Variants in KCP observed in about 807,000 individuals in gnomAD.
KCP encodes kielin/chordin-like protein.
KCP carries 194 observed loss-of-function variants against 212.7 expected under a neutral mutation model. That is an observed-to-expected ratio of 0.91 (90% CI 0.81 to 1.03). KCP has a LOEUF of 1.03. KCP is among the 50% of genes least tolerant of loss of function. KCP has a pLI of 0.00. For synonymous variants in KCP, 833 were observed against 865.3 expected (o/e 0.96, Z 0.65); for missense variants, 2,080 against 2,162.5 (o/e 0.96, Z 0.76).
In KCP at chr7:128,878,666, G is replaced by T; in HGVS notation, c.4203C>A (p.Gly1401=). 1 of 1,551,202 alleles carries T rather than the reference G, an allele frequency of 6.4e-7. No homozygotes were observed. The highest frequency in any genetic ancestry group is 8.7e-7 in the Non-Finnish European group (1 of 1,146,968). The change falls in exon 38 of 40, where the codon GGC becomes GGA. Residue 1401 remains glycine, a synonymous_variant. Coordinates refer to ENST00000610776, the MANE Select transcript of KCP (RefSeq NM_001366122.1). ...AGTTCCCACAGAGCCCACAAGTCCG[G>T]CCCTGGTAGGAGCCAGGTACGCTCA... is the stretch of plus-strand genomic sequence containing the variant. The part of the protein sequence containing the change: ...VEVSVPGSYQ[G]RTCGLCGNFN...
chr7:128,890,856 C>G, intron 20 of KCP, 49 bp downstream of exon 20: 1 of 1,204,982 alleles, frequency 8.3e-7, no homozygotes, highest in Non-Finnish European at 1.0e-6. Flanking sequence ...CGGGGCGGGG[C>G]GGGGCGGCAG....
intron 31 of KCP, among the ~76,000 whole-genome samples, 153 bp downstream of exon 31, chr7:128,881,473 C>G (rs989582409): frequency 2.7e-5 from 4 of 146,934 alleles, no homozygotes; most frequent in Non-Finnish European, 5.9e-5. Context: ...TCAAGAACAG[C>G]CCCCCTCCAT....
intron 4 of KCP, 60 bp from the exon 5 acceptor site, chr7:128,906,423 G>A (rs1795122883): frequency 1.6e-6 from 2 of 1,245,702 alleles, no homozygotes; most frequent in Non-Finnish European, 2.3e-6. Context: ...CAGGGCCTCT[G>A]GAAGTAAAAC....
rs1356360340 is a variant in KCP, at chr7:128,893,789, C to T, written c.1099+17G>A. 20 of 1,547,702 alleles carry T rather than the reference C, an allele frequency of 1.3e-5. No homozygotes were observed. The Admixed American group carries it at 3.7e-4, about 29-fold the overall frequency. On this transcript the variant is annotated intron_variant, in intron 11 of 39. Transcript: ENST00000610776. The stretch of plus-strand genomic sequence containing the variant: ...CCAAGGCCTGCCCCTCCCGCAGAGA[C>T]CCCGGCCCCCACTCACCATCGCAGA...
chr7:128,876,993 C>A lies in KCP; in HGVS notation c.*50G>T. ...CCCTAACCAGGGTGGGAACTGCTCG[C>A]CAAGGGGAGACTCCTGGCCTGATGA... On this transcript the variant is annotated 3_prime_UTR_variant, in exon 40 of 40. Transcript: ENST00000610776. The A allele has an allele frequency of 1.3e-6, 2 of 1,523,696 alleles. No homozygotes were observed. Among genetic ancestry groups the A allele is most frequent in the Non-Finnish European group, 1.8e-6 (2 of 1,139,436 alleles). 94.4% of individuals were successfully genotyped at this position (1,523,696 alleles called of 1,614,324 possible).
At position 128,903,817 on chromosome 7, in the gene KCP, T is replaced by C; in HGVS notation, c.658A>G (p.Ser220Gly). ...TTCAGGGCCATGCAGCGAACTCGGC[T>C]CCTCTGTAATGCACCAGTGGCTGTG... Reference protein sequence around the residue: ...NPCLQCTCLRSRVRCMALKCP... With the variant: ...NPCLQCTCLRGRVRCMALKCP... Residue 220 changes from serine (S) to glycine (G), a missense_variant, in exon 7 of 40, where the codon AGC (serine) becomes GGC (glycine). Physicochemically the swap from Ser to Gly is moderately conservative, Grantham distance 56. Coordinates refer to ENST00000610776, the MANE Select transcript of KCP (RefSeq NM_001366122.1). 4 of 1,386,658 alleles carry C rather than the reference T, an allele frequency of 2.9e-6. No homozygotes were observed. The highest frequency in any genetic ancestry group is 3.8e-6 in the Non-Finnish European group (4 of 1,049,484). The allele number at this position is 1,386,658 out of a possible 1,614,324, so 85.9% of individuals were successfully genotyped here.
At chr7:128,908,782 G>C in intron 1 of KCP, among the ~76,000 whole-genome samples, 1 of 152,364 alleles carries the variant, frequency 6.6e-6, no homozygotes, top group Middle Eastern at 3.4e-3. Flanking sequence ...TGCTTTCAGG[G>C]GTCTGGGGTC....
rs924305160 is a variant in KCP at position 128,885,916 on chromosome 7, GTT to G, written c.2866+546_2866+547del. ...AGGACTAAGAGTGCTTATCTGGTAA[GTT>G]GTTGTGCTGATTAAATGAGATAATA... On this transcript the variant is annotated intron_variant, in intron 26 of 39. Transcript: ENST00000610776. Among the ~76,000 whole-genome samples the G allele has an allele frequency of 9.9e-5, 6 of 60,804 alleles. No homozygotes were observed. The African/African-American group carries it at 1.1e-3, about 11-fold the overall frequency. 39.9% of individuals were successfully genotyped at this position (60,804 alleles called of 152,430 possible).
chr7:128,888,816 C>A, intron 22 of KCP, 47 bp downstream of exon 22: 1 of 1,522,756 alleles, frequency 6.6e-7, no homozygotes, highest in Non-Finnish European at 8.8e-7. Flanking sequence ...GAGAAAGGCA[C>A]CCCGGGAGCC....
At chr7:128,895,845 C>A (rs1275900235) in intron 8 of KCP, among the ~76,000 whole-genome samples, 1 of 152,178 alleles carries the variant, frequency 6.6e-6, no homozygotes, top group Non-Finnish European at 1.5e-5. Context: ...AATAATCCAC[C>A]CCTTGTTTAG....
At chr7:128,908,212 AAAGG>A (rs1358491116) in intron 2 of KCP, among the ~76,000 whole-genome samples, 2 of 144,822 alleles carry the variant, frequency 1.4e-5, no homozygotes, top group Non-Finnish European at 3.0e-5. Context: ...AAAAAAAAAG[AAAGG>A]AAGGAGGGAA....
intron 7 of KCP, 22 bp from the exon 8 acceptor site, chr7:128,902,881 G>T: frequency 6.5e-7 from 1 of 1,541,920 alleles, no homozygotes; most frequent in Non-Finnish European, 8.8e-7. Flanking sequence ...GGGTTGAGAA[G>T]AGGGAGGCCT....
Position 128,891,648 on chromosome 7 carries a change from C to T in KCP, c.1793G>A (p.Ser598Asn). The T allele has an allele frequency of 6.8e-7, 1 of 1,466,456 alleles. No individual in the cohort carries two copies. Among genetic ancestry groups the T allele is most frequent in the Non-Finnish European group, 9.0e-7 (1 of 1,106,994 alleles). The allele number at this position is 1,466,456 out of a possible 1,614,324, so 90.8% of individuals were successfully genotyped here. The change falls in exon 17 of 40, where the codon AGC (serine) becomes AAC (asparagine). Residue 598 changes from serine (S) to asparagine (N), a missense_variant and splice_region_variant. Ser to Asn is a conservative substitution (Grantham distance 46, BLOSUM62 1). Coordinates refer to ENST00000610776, the MANE Select transcript of KCP (RefSeq NM_001366122.1). Reference sequence around the variant, plus strand: ...CCGCCCTGACCCGCCCACCTCACCGCTGCAGTCGTTCGGGCAGCAGGTCCC... The same window carrying T: ...CCGCCCTGACCCGCCCACCTCACCGTTGCAGTCGTTCGGGCAGCAGGTCCC... Reference protein sequence around the residue: ...LPGTCCPNDCSGCAFGGKEYP... With the variant: ...LPGTCCPNDCNGCAFGGKEYP...
At chr7:128,903,505 G>A (rs1318343519) in intron 7 of KCP, among the ~76,000 whole-genome samples, 2 of 152,204 alleles carry the variant, frequency 1.3e-5, no homozygotes, top group Non-Finnish European at 2.9e-5. Context: ...TTATTAAGCT[G>A]CACTATGAGG....
Position 128,883,332 on chromosome 7 carries a change from G to T in KCP, c.3244+670C>A, listed in dbSNP as rs548817764. ...TTTTTGTATTTTTAGTAGAGACGGG[G>T]TTTCACCATGTTGGCCAGGATGGTC... On this transcript the variant is annotated intron_variant, in intron 29 of 39. Coordinates refer to ENST00000610776, the MANE Select transcript of KCP (RefSeq NM_001366122.1). Among the ~76,000 whole-genome samples the T allele has an allele frequency of 5.3e-5, 8 of 151,990 alleles. No homozygotes were observed. In the East Asian group the frequency reaches 7.9e-4, roughly 15 times the overall value.
chr7:128,893,309 AC>A lies in KCP; in HGVS notation c.1195del (p.Val399SerfsTer115). On this transcript the variant is annotated frameshift_variant, in exon 13 of 40. Coordinates refer to ENST00000610776, the MANE Select transcript of KCP (RefSeq NM_001366122.1). LOFTEE classifies it high-confidence loss of function. ...CVRCSCQAGE[V>X]SCEEQECPVT... is the part of the protein sequence containing the mutation. ...TGGGCACTCCTGCTCCTCACAGGAG[AC>A]CTCGCCAGCCTAGGAGGGAAGCAGG... is the stretch of plus-strand genomic sequence containing the variant. 1 of 1,551,420 alleles carries A rather than the reference AC, an allele frequency of 6.4e-7. No individual in the cohort carries two copies. Among genetic ancestry groups the A allele is most frequent in the Non-Finnish European group, 8.7e-7 (1 of 1,146,874 alleles).
chr7:128,903,780 C>A lies in KCP; in HGVS notation c.695G>T (p.Ser232Ile). 1 of 1,545,702 alleles carries A rather than the reference C, an allele frequency of 6.5e-7. No homozygotes were observed. The highest frequency in any genetic ancestry group is 8.7e-7 in the Non-Finnish European group (1 of 1,143,932). Reference protein sequence around the residue: ...VRCMALKCPPSPCPEPVLRPG... With the variant: ...VRCMALKCPPIPCPEPVLRPG... ...CCTCAGCACTGGCTCTGGGCAGGGG[C>A]TAGGCGGGCACTTCAGGGCCATGCA... The change falls in exon 7 of 40, where the codon AGC (serine) becomes ATC (isoleucine). Residue 232 changes from serine (S) to isoleucine (I), a missense_variant. Ser to Ile is a moderately radical substitution (Grantham distance 142). Coordinates refer to ENST00000610776, the MANE Select transcript of KCP (RefSeq NM_001366122.1).
chr7:128,894,980 G>C (rs888751756), intron 8 of KCP, among the ~76,000 whole-genome samples: 16 of 152,162 alleles, frequency 1.1e-4, no homozygotes, highest in Non-Finnish European at 2.1e-4. Flanking sequence ...AGAAGGCAGA[G>C]GTTCAGGTGC....
Position 128,891,011 on chromosome 7 carries a change from G to T in KCP, c.2058C>A (p.Cys686Ter), listed in dbSNP as rs1424527194. The change falls in exon 20 of 40, where the codon TGC (cysteine) becomes TGA (stop). Residue 686 changes from cysteine to a stop codon, truncating the protein, a stop_gained. Transcript: ENST00000610776. LOFTEE classifies it high-confidence loss of function. ...QEYFSPPGDP[C>*]RRCLCLDGSV... ...AGCCGTCGAGGCAGAGGCAGCGGCG[G>T]CAGGGATCGCCGGGCGGGGAGAAGT... 5 of 1,346,254 alleles carry T rather than the reference G, an allele frequency of 3.7e-6. No homozygotes were observed. Among genetic ancestry groups the T allele is most frequent in the East Asian group, 6.2e-5 (2 of 32,348 alleles). The allele number at this position is 1,346,254 out of a possible 1,614,324, so 83.4% of individuals were successfully genotyped here. A position where few individuals can be genotyped will look rare whatever the true frequency, so the allele number is the denominator to read the frequency against.
Sources: allele counts gnomAD v4.1 joint callset (sites outside exome capture counted in the v4.1 genomes callset), GRCh38; gene constraint gnomAD v4.1.1; transcripts MANE v1.5; gene names NCBI Gene and HGNC (gene_info 2026-07-23, HGNC 2026-07-21).